SMYD4: variants seen among roughly 807,000 people sequenced by gnomAD.
SMYD4 encodes the protein protein-lysine N-methyltransferase SMYD4.
Under a neutral mutation model 72.8 loss-of-function variants are expected in SMYD4, and 68 were observed. The observed-to-expected ratio is 0.93, with a 90% CI of 0.77 to 1.14. The LOEUF (loss-of-function observed/expected upper bound fraction) is 1.14, where lower values mean the gene tolerates loss of function less well. Ranked by LOEUF, SMYD4 falls within the 50% of genes most tolerant of loss-of-function variation. The pLI is 0.00. For missense variants in SMYD4, 984 were observed against 1,003.7 expected (o/e 0.98, Z 0.27); for synonymous variants, 407 against 388.6 (o/e 1.05, Z -0.56).
intron 5 of SMYD4, among the ~76,000 whole-genome samples, chr17:1,794,057 G>GTATATATATATA (rs752397865): frequency 2.1e-5 from 1 of 46,796 alleles, no homozygotes; most frequent in Non-Finnish European, 5.0e-5. Context: ...ATATATGTGT[G>GTATATATATATA]TATATATATG....
intron 3 of SMYD4, among the ~76,000 whole-genome samples, chr17:1,806,468 G>C (rs922784412): frequency 6.6e-6 from 1 of 152,088 alleles, no homozygotes; most frequent in South Asian, 2.1e-4. Context: ...AGATCACTAA[G>C]ATGACAACCA....
chr17:1,818,695 C>T (rs1031415840), intron 2 of SMYD4, among the ~76,000 whole-genome samples: 1 of 151,968 alleles, frequency 6.6e-6, no homozygotes, highest in African/African-American at 2.4e-5. Flanking sequence ...GTCTCACTTC[C>T]ATTGCTCAGG....
chr17:1,798,726 C>T (rs193246430), intron 5 of SMYD4, among the ~76,000 whole-genome samples: 13 of 152,052 alleles, frequency 8.5e-5, no homozygotes, highest in East Asian at 5.8e-4. Flanking sequence ...GGCAAAACCC[C>T]GTCTCTACTA....
intron 5 of SMYD4, among the ~76,000 whole-genome samples, chr17:1,794,210 C>T (rs549042110): frequency 1.3e-4 from 17 of 129,838 alleles, no homozygotes; most frequent in South Asian, 1.3e-3. Context: ...CCCAGGTTCA[C>T]GCCAGTCTCC....
intron 5 of SMYD4, among the ~76,000 whole-genome samples, chr17:1,795,405 CTCTA>C (rs6145948): frequency 0.013 from 1,920 of 148,908 alleles, 33 homozygotes; most frequent in African/African-American, 0.033. Flanking sequence ...ACGATCTCAG[CTCTA>C]TCTATCTATC....
At chr17:1,815,927 T>C (rs1490303842) in intron 2 of SMYD4, among the ~76,000 whole-genome samples, 2 of 152,106 alleles carry the variant, frequency 1.3e-5, no homozygotes, top group African/African-American at 4.8e-5. Context: ...CTTGAACTCC[T>C]GACCTCAGGT....
chr17:1,821,192 A>G (rs1420093788), intron 2 of SMYD4, among the ~76,000 whole-genome samples: 6 of 152,170 alleles, frequency 3.9e-5, no homozygotes, highest in Admixed American at 6.6e-5. Flanking sequence ...TATTGGTTAT[A>G]TAACAGTTAT....
chr17:1,783,607 C>A (rs1908495614), intron 8 of SMYD4, 131 bp from the exon 9 acceptor site: 1 of 1,428,442 alleles, frequency 7.0e-7, no homozygotes. Flanking sequence ...TGGGTTGTCA[C>A]CAACGCACAA....
intron 2 of SMYD4, among the ~76,000 whole-genome samples, chr17:1,821,996 G>A (rs1300521883): frequency 4.0e-5 from 6 of 151,140 alleles, no homozygotes; most frequent in Non-Finnish European, 8.8e-5. Flanking sequence ...AGGCTGAGGC[G>A]GGTGGATCCC....
Position 1,827,906 on chromosome 17 carries a change from GCTGTAGAAATTGTGACCTGAA to G in SMYD4, c.68_88del (p.Val23_Thr29del), listed in dbSNP as rs760867542. 1.2e-6 allele frequency: 2 copies of G among 1,613,232 alleles called. No homozygotes were observed. ...AAGAAAGATATCCCTCAAGGTCTCT[GCTGTAGAAATTGTGACCTGAA>G]CAGACGTCGGGAGTGAAGCCCACTT... On this transcript the variant is annotated inframe_deletion, in exon 2 of 11. Transcript: ENST00000305513.
intron 2 of SMYD4, 95 bp downstream of exon 2, chr17:1,827,766 C>A: frequency 6.9e-7 from 1 of 1,448,106 alleles, no homozygotes. Context: ...AAGACTCAAT[C>A]TTTATTTAAG....
intron 5 of SMYD4, among the ~76,000 whole-genome samples, chr17:1,794,937 G>T (rs942808681): frequency 6.6e-6 from 1 of 151,922 alleles, no homozygotes; most frequent in South Asian, 2.1e-4. Context: ...ATATCCCTCC[G>T]AATTAAAATA....
intron 3 of SMYD4, among the ~76,000 whole-genome samples, chr17:1,809,421 C>A (rs987075631): frequency 1.3e-5 from 2 of 151,596 alleles, no homozygotes; most frequent in South Asian, 2.1e-4. Context: ...GTCGCCCAGG[C>A]TGGAGTGCAG....
chr17:1,794,105 A>ATTTTTTTT (rs59420310), intron 5 of SMYD4, among the ~76,000 whole-genome samples: 2 of 12,992 alleles, frequency 1.5e-4, no homozygotes, highest in Non-Finnish European at 2.8e-4. Flanking sequence ...ATATATATAT[A>ATTTTTTTT]TTTTTTTTTT....
chr17:1,788,272 A>G (rs1388619107), intron 5 of SMYD4, among the ~76,000 whole-genome samples: 2 of 151,982 alleles, frequency 1.3e-5, no homozygotes, highest in Non-Finnish European at 2.9e-5. Context: ...GGATCAGTTG[A>G]GCCCTAGAGA....
intron 3 of SMYD4, among the ~76,000 whole-genome samples, chr17:1,809,089 C>T (rs545978974): frequency 6.6e-6 from 1 of 152,114 alleles, no homozygotes; most frequent in African/African-American, 2.4e-5. Context: ...GTTGCCTAGG[C>T]CTGTCTTGAA....
At position 1,805,520 on chromosome 17, in the gene SMYD4, A is replaced by G. The variant is rs530779770; in HGVS notation, c.280-805T>C. Among the ~76,000 whole-genome samples the G allele has an allele frequency of 1.3e-3, 198 of 152,206 alleles. 1 individual carries two copies. Among genetic ancestry groups the G allele is most frequent in the Non-Finnish European group, 2.2e-3 (148 of 68,018 alleles). On this transcript the variant is annotated intron_variant, in intron 3 of 10. Transcript: ENST00000305513. ...AAGATGGTGATTACTCAGTAAAACTACTGGGATGAGACCGGGCATGGTGGC... is the reference window on the plus strand; with the variant it reads ...AAGATGGTGATTACTCAGTAAAACTGCTGGGATGAGACCGGGCATGGTGGC...
In SMYD4 at chr17:1,816,286, A is replaced by T. The variant is rs542892204; in HGVS notation, c.135-4171T>A. On this transcript the variant is annotated intron_variant, in intron 2 of 10. Coordinates refer to ENST00000305513, the MANE Select transcript of SMYD4 (RefSeq NM_052928.3). Reference sequence around the variant, plus strand: ...ACTTAGCAAAAAGTTTTCAAGGTACATCATGTTGTAGTATAAACCAGAATT... The same window carrying T: ...ACTTAGCAAAAAGTTTTCAAGGTACTTCATGTTGTAGTATAAACCAGAATT... Among the ~76,000 whole-genome samples, 10 of 152,192 alleles carry T rather than the reference A, an allele frequency of 6.6e-5. No homozygotes were observed. The South Asian group carries it at 1.9e-3, about 28-fold the overall frequency.
Position 1,812,027 on chromosome 17 carries a change from C to T in SMYD4, c.223G>A (p.Gly75Arg), listed in dbSNP as rs1260064863. ...SDAPLFYREE[G>R]NKKFQEKDYT... ...TCTTTCTCCTGAAATTTTTTGTTTCCTTCTTCTCTGTAGAAAAGAGGAGCG... is the reference window on the plus strand; with the variant it reads ...TCTTTCTCCTGAAATTTTTTGTTTCTTTCTTCTCTGTAGAAAAGAGGAGCG... Residue 75 changes from glycine (G) to arginine (R), a missense_variant, in exon 3 of 11, where the codon GGA becomes AGA. Gly to Arg is a moderately radical substitution (Grantham distance 125). Transcript: ENST00000305513. 2 of 1,613,378 alleles carry T rather than the reference C, an allele frequency of 1.2e-6. No individual in the cohort carries two copies. The highest frequency in any genetic ancestry group is 4.5e-5 in the East Asian group (2 of 44,892).
Sources: allele counts gnomAD v4.1 joint callset (sites outside exome capture counted in the v4.1 genomes callset), GRCh38; gene constraint gnomAD v4.1.1; transcripts MANE v1.5; gene names NCBI Gene and HGNC (gene_info 2026-07-23, HGNC 2026-07-21).